Variants in DNMT1 observed in about 807,000 individuals in gnomAD.
The protein encoded by DNMT1 is DNA (cytosine-5)-methyltransferase 1.
In DNMT1, 24 loss-of-function variants were observed where a neutral mutation model predicts 205.3. That is an observed-to-expected ratio of 0.12 (90% CI 0.08 to 0.16). The LOEUF (loss-of-function observed/expected upper bound fraction) is 0.16, where lower values mean the gene tolerates loss of function less well. Ranked by LOEUF, DNMT1 falls within the 10% of genes least tolerant of loss-of-function variation. DNMT1 has a pLI of 1.00. For missense variants in DNMT1, 1,293 were observed against 2,177.7 expected (o/e 0.59, Z 8.09); for synonymous variants, 817 against 839.8 (o/e 0.97, Z 0.47).
Position 10,159,936 on chromosome 19 carries a change from A to C in DNMT1, c.1090-14T>G, listed in dbSNP as rs2145320890. On this transcript the variant is annotated splice_polypyrimidine_tract_variant and intron_variant, in intron 15 of 40. Transcript: ENST00000359526. This position sits in a 1 kb window ranked among gnomAD's most constrained non-coding sequence, Gnocchi z 5.0. ...GGGAGGGTGGGTCTGTGGGAGCAGG[A>C]ACACAGATGATGGCACTCAGAGAGC... The C allele has an allele frequency of 6.2e-7, 1 of 1,614,216 alleles. No individual in the cohort carries two copies. Among genetic ancestry groups the C allele is most frequent in the East Asian group, 2.2e-5 (1 of 44,884 alleles).
intron 7 of DNMT1, 95 bp downstream of exon 7, chr19:10,175,444 AG>A (rs1176623523): frequency 3.0e-5 from 44 of 1,442,740 alleles, no homozygotes; most frequent in Middle Eastern, 3.5e-4. Flanking sequence ...AGCCCTAGAC[AG>A]GGTTTTTATT....
chr19:10,193,274 G>A (rs1383823044), intron 1 of DNMT1, among the ~76,000 whole-genome samples: 1 of 152,066 alleles, frequency 6.6e-6, no homozygotes, highest in African/African-American at 2.4e-5. Context: ...GATCCCTTAA[G>A]CCCAGGAGTT....
rs2038513981 is a variant in DNMT1 at position 10,159,037 on chromosome 19, A to C, written c.1280+621T>G. On this transcript the variant is annotated intron_variant, in intron 17 of 40. Coordinates refer to ENST00000359526, the MANE Select transcript of DNMT1 (RefSeq NM_001130823.3). This position sits in a 1 kb window ranked among gnomAD's most constrained non-coding sequence, Gnocchi z 5.0. Reference sequence around the variant, plus strand: ...GGTATCACCCATTTCTGGCTCCGTGAAGGCAGGACCTGAGCAGCTACATCC... The same window carrying C: ...GGTATCACCCATTTCTGGCTCCGTGCAGGCAGGACCTGAGCAGCTACATCC... Among the ~76,000 whole-genome samples, 2 of 152,202 alleles carry C rather than the reference A, an allele frequency of 1.3e-5. No individual in the cohort carries two copies. The highest frequency in any genetic ancestry group is 4.8e-5 in the African/African-American group (2 of 41,452).
At chr19:10,191,671 T>A (rs1366763154) in intron 1 of DNMT1, among the ~76,000 whole-genome samples, 1 of 152,102 alleles carries the variant, frequency 6.6e-6, no homozygotes, top group Non-Finnish European at 1.5e-5. Flanking sequence ...TCCTGGCAGT[T>A]AACTCCTGCA....
Position 10,143,968 on chromosome 19 carries a change from C to T in DNMT1, c.2914G>A (p.Val972Met), listed in dbSNP as rs148038464. Residue 972 changes from valine to methionine, a missense_variant, in exon 29 of 41, where the codon GTG becomes ATG. Val to Met is a conservative substitution (Grantham distance 21). Coordinates refer to ENST00000359526, the MANE Select transcript of DNMT1 (RefSeq NM_001130823.3). ...ACGGGCTCCTTCCGTGGGCGTTTCA[C>T]GGGACTGGACAGCTTGATGCTGCAG... ...FTFNIKLSSPVKRPRKEPVDE... is the reference protein window; with the variant it reads ...FTFNIKLSSPMKRPRKEPVDE... The T allele has an allele frequency of 1.0e-4, 167 of 1,613,894 alleles. No homozygotes were observed. Among genetic ancestry groups the T allele is most frequent in the Middle Eastern group, 1.7e-4 (1 of 5,970 alleles).
At chr19:10,160,551 C>A (rs2038547352) in intron 13 of DNMT1, 133 bp from the exon 14 acceptor site, 1 of 916,122 alleles carries the variant, frequency 1.1e-6, no homozygotes, top group African/African-American at 1.7e-5. Context: ...GTGAGAGGGC[C>A]AGCAGGTGAG....
In DNMT1 at chr19:10,156,530, A is replaced by G. The variant is rs748364925; in HGVS notation, c.1281-21T>C. ...ACACACTAGACAGGAAACAAAGCACATGCTTACCAGCTAAGCCGTGAAGGC... is the reference window on the plus strand; with the variant it reads ...ACACACTAGACAGGAAACAAAGCACGTGCTTACCAGCTAAGCCGTGAAGGC... On this transcript the variant is annotated intron_variant, in intron 17 of 40. Coordinates refer to ENST00000359526, the MANE Select transcript of DNMT1 (RefSeq NM_001130823.3). This position sits in a 1 kb window ranked among gnomAD's most constrained non-coding sequence, Gnocchi z 4.2. 1 of 1,586,324 alleles carries G rather than the reference A, an allele frequency of 6.3e-7. No homozygotes were observed. Among genetic ancestry groups the G allele is most frequent in the Non-Finnish European group, 8.7e-7 (1 of 1,155,306 alleles).
Position 10,137,214 on chromosome 19 carries a change from C to G in DNMT1, c.4360G>C (p.Asp1454His). 6.2e-7 allele frequency: 1 copy of G among 1,610,860 alleles called. No homozygotes were observed. Among genetic ancestry groups the G allele is most frequent in the South Asian group, 1.1e-5 (1 of 90,418 alleles). ...IPLAPGSDWR[D>H]LPNIEVRLSD... ...AGCCGCACCTCGATGTTGGGCAGAT[C>G]GCGCCAGTCTGACCCTGGGGCCAAG... Residue 1454 changes from aspartate (D) to histidine (H), a missense_variant, in exon 37 of 41, where the codon GAT becomes CAT. By Grantham distance (81) the Asp-to-His change is moderately conservative. Around this residue, in one of 13 missense-constraint regions of DNMT1, gnomAD observed 148 missense variants for 256.1 expected, o/e 0.58. Coordinates refer to ENST00000359526, the MANE Select transcript of DNMT1 (RefSeq NM_001130823.3). The surrounding 1 kb of genome is among the most constrained non-coding windows in gnomAD (Gnocchi z 6.4).
intron 30 of DNMT1, 123 bp downstream of exon 30, chr19:10,141,905 A>G: frequency 1.6e-6 from 2 of 1,215,046 alleles, no homozygotes; most frequent in Non-Finnish European, 2.3e-6. Context: ...ACGTCAGCCA[A>G]CCACCCACTT....
At chr19:10,153,479 C>A (rs1225570080) in intron 22 of DNMT1, among the ~76,000 whole-genome samples, 5 of 151,084 alleles carry the variant, frequency 3.3e-5, no homozygotes, top group African/African-American at 1.2e-4. Flanking sequence ...ACTAAAAATA[C>A]AAAAAAAATT....
chr19:10,149,218 G>A (rs1339287630), intron 26 of DNMT1, among the ~76,000 whole-genome samples: 3 of 151,762 alleles, frequency 2.0e-5, no homozygotes, highest in Non-Finnish European at 2.9e-5. Context: ...CCAACTACTC[G>A]GGAGGCTGAG....
At chr19:10,166,036 C>T (rs1314873710) in intron 11 of DNMT1, among the ~76,000 whole-genome samples, 2 of 152,074 alleles carry the variant, frequency 1.3e-5, no homozygotes, top group African/African-American at 2.4e-5. Flanking sequence ...AGATAGGGAC[C>T]CGCCGCCCCC....
chr19:10,136,801 C>T (rs1486159452), intron 37 of DNMT1, among the ~76,000 whole-genome samples: 1 of 151,892 alleles, frequency 6.6e-6, no homozygotes, highest in East Asian at 1.9e-4. Context: ...CTCTGTCTCC[C>T]AGGCTGGAGT....
At chr19:10,194,731 G>GCGGCCAC (rs1431512862) in intron 1 of DNMT1, 89 bp downstream of exon 1, 18 of 1,478,580 alleles carry the variant, frequency 1.2e-5, no homozygotes, top group African/African-American at 8.8e-5. Flanking sequence ...TCTGTCAGCA[G>GCGGCCAC]CGGCCACCGG....
intron 1 of DNMT1, among the ~76,000 whole-genome samples, chr19:10,191,740 A>C (rs1030553318): frequency 6.6e-6 from 1 of 152,160 alleles, no homozygotes; most frequent in African/African-American, 2.4e-5. Flanking sequence ...TCACGCCTGT[A>C]ATCTCAGCCC....
At chr19:10,188,815 G>A (rs2039244618) in intron 1 of DNMT1, among the ~76,000 whole-genome samples, 3 of 152,154 alleles carry the variant, frequency 2.0e-5, no homozygotes, top group Admixed American at 2.0e-4. Flanking sequence ...GAGGAAGGGG[G>A]CATGAGCCGA....
In DNMT1 at chr19:10,159,521, T is replaced by C. The variant is rs1460152677; in HGVS notation, c.1280+137A>G. 4.3e-6 allele frequency: 4 copies of C among 923,668 alleles called. No individual in the cohort carries two copies. Among genetic ancestry groups the C allele is most frequent in the Admixed American group, 4.0e-5 (2 of 49,704 alleles). The allele number at this position is 923,668 out of a possible 1,614,324, so 57.2% of individuals were successfully genotyped here. A position where few individuals can be genotyped will look rare whatever the true frequency, so the allele number is the denominator to read the frequency against. On this transcript the variant is annotated intron_variant, in intron 17 of 40. Transcript: ENST00000359526. This position sits in a 1 kb window ranked among gnomAD's most constrained non-coding sequence, Gnocchi z 5.0. ...ACCGCGCCCAGCCCTCCACGGTGGC[T>C]CTTATCCACGAAGTGTTAGCTTAAG...
At chr19:10,162,819 A>G in intron 12 of DNMT1, 71 bp from the exon 13 acceptor site, 1 of 1,525,328 alleles carries the variant, frequency 6.6e-7, no homozygotes, top group East Asian at 2.3e-5. Context: ...TCGCACGGAA[A>G]GTGACAAACT....
intron 5 of DNMT1, 92 bp downstream of exon 5, chr19:10,180,095 C>T (rs2039015954): frequency 2.0e-6 from 1 of 494,390 alleles, no homozygotes. Flanking sequence ...AGGTGGATTA[C>T]TTGAGGTCAG....
Sources: allele counts gnomAD v4.1 joint callset (sites outside exome capture counted in the v4.1 genomes callset), GRCh38; gene constraint gnomAD v4.1.1; regional missense constraint gnomAD v4.1.1; non-coding constraint Gnocchi (gnomAD v3.1); transcripts MANE v1.5; gene names NCBI Gene and HGNC (gene_info 2026-07-23, HGNC 2026-07-21).